CTNNA2: variants seen among roughly 807,000 people sequenced by gnomAD.
The protein encoded by CTNNA2 is catenin alpha 2.
In CTNNA2, 42 loss-of-function variants were observed where a neutral mutation model predicts 101.0. That is an observed-to-expected ratio of 0.42 (90% CI 0.32 to 0.54). The LOEUF is 0.54. Among genes scored for constraint, CTNNA2 ranks in the 20% least tolerant of loss-of-function variants. The pLI is 0.14. For synonymous variants in CTNNA2, 450 were observed against 456.4 expected, an observed-to-expected ratio of 0.99 and a Z score of 0.18; for missense variants, 871 against 1,223.1, an observed-to-expected ratio of 0.71 and a Z score of 4.29.
chr2:79,539,164 G>A (rs148198665), intron 1 of CTNNA2, among the ~76,000 whole-genome samples: 9 of 152,264 alleles, frequency 5.9e-5, no homozygotes, highest in East Asian at 3.9e-4. Context: ...GTGAGTCAGC[G>A]GTGTTGTGCT....
At chr2:79,326,300 C>CAAAA (rs72151080) in intron 3 of CTNNA2, among the ~76,000 whole-genome samples, 1 of 118,932 alleles carries the variant, frequency 8.4e-6, no homozygotes, top group African/African-American at 3.0e-5. Context: ...AACAAACAAG[C>CAAAA]AAAAAAAAAA....
chr2:79,439,589 A>C (rs1401284712), intron 4 of CTNNA2, among the ~76,000 whole-genome samples: 2 of 152,324 alleles, frequency 1.3e-5, no homozygotes, highest in African/African-American at 2.4e-5. Flanking sequence ...TATCTTAATA[A>C]AATTTTTATT....
At chr2:79,524,257 A>C (rs747867534) in intron 1 of CTNNA2, among the ~76,000 whole-genome samples, 15 of 151,976 alleles carry the variant, frequency 9.9e-5, no homozygotes, top group African/African-American at 1.7e-4. Context: ...CAGTAACATA[A>C]ATAGCCTTCT....
intron 2 of CTNNA2, among the ~76,000 whole-genome samples, chr2:79,688,397 A>G (rs6748711): frequency 0.18 from 27,164 of 152,002 alleles, 2,866 homozygotes; most frequent in East Asian, 0.56. Flanking sequence ...TAAAATGGCA[A>G]CAAATAAAGA....
intron 7 of CTNNA2, among the ~76,000 whole-genome samples, chr2:80,328,763 T>C (rs528154141): frequency 6.6e-6 from 1 of 152,368 alleles, no homozygotes; most frequent in South Asian, 2.1e-4. Context: ...TGCGTTTTCA[T>C]TGTTGGTCGA....
At position 79,250,587 on chromosome 2, in the gene CTNNA2, G is replaced by A. The variant is rs140182382; in HGVS notation, c.-406+52511G>A. 4.6e-3 allele frequency among the ~76,000 whole-genome samples: 694 copies of A among 152,276 alleles called. 3 individuals carry two copies. The highest frequency in any genetic ancestry group is 7.1e-3 in the Non-Finnish European group (481 of 68,028). On this transcript the variant is annotated intron_variant, in intron 2 of 21. Transcript: ENST00000466387. ...AGACAGGTAGCTTTTCTGGATTTGC[G>A]TAAGAATGGCCCTATCTCAAAGCCC...
At chr2:80,361,799 G>A (rs532465451) in intron 7 of CTNNA2, among the ~76,000 whole-genome samples, 1 of 152,098 alleles carries the variant, frequency 6.6e-6, no homozygotes, top group Non-Finnish European at 1.5e-5. Flanking sequence ...CATGAAGGTG[G>A]AAGAGAAAGA....
chr2:79,885,706 C>T lies in CTNNA2; in HGVS notation c.852+11364C>T, dbSNP rs188014529. Among the ~76,000 whole-genome samples, 8 of 152,304 alleles carry T rather than the reference C, an allele frequency of 5.3e-5. No individual in the cohort carries two copies. The East Asian group carries it at 1.4e-3, about 26-fold the overall frequency. On this transcript the variant is annotated intron_variant, in intron 6 of 18. Transcript: ENST00000402739. ...TGTAAGTTTCCTATATCTTACATTA[C>T]ATTAGAATGAAGGTGAAGAGTTGAG...
At chr2:80,097,940 C>T (rs1353615011) in intron 7 of CTNNA2, among the ~76,000 whole-genome samples, 1 of 152,088 alleles carries the variant, frequency 6.6e-6, no homozygotes, top group Non-Finnish European at 1.5e-5. Context: ...ACTTCTTTGC[C>T]ATTGGTTCGA....
chr2:79,419,530 A>G (rs1019161671), intron 4 of CTNNA2, among the ~76,000 whole-genome samples: 3 of 152,092 alleles, frequency 2.0e-5, no homozygotes, highest in African/African-American at 4.8e-5. Flanking sequence ...TTTTCCACAA[A>G]TTCTTTCCAT....
At chr2:79,515,363 C>A (rs774792408) in intron 1 of CTNNA2, among the ~76,000 whole-genome samples, 2 of 152,186 alleles carry the variant, frequency 1.3e-5, no homozygotes, top group Non-Finnish European at 2.9e-5. Context: ...GTCCAAATTT[C>A]TTTCAAAAGA....
chr2:79,288,034 C>T (rs576855298), intron 2 of CTNNA2, among the ~76,000 whole-genome samples: 1 of 152,250 alleles, frequency 6.6e-6, no homozygotes, highest in Non-Finnish European at 1.5e-5. Flanking sequence ...TCACCCCTTT[C>T]TTTGACTAGG....
intron 4 of CTNNA2, among the ~76,000 whole-genome samples, chr2:79,470,102 A>G (rs1670981645): frequency 6.6e-6 from 1 of 152,254 alleles, no homozygotes; most frequent in African/African-American, 2.4e-5. Context: ...CCCTGTTTGC[A>G]GATGACATGA....
chr2:79,296,581 C>T (rs943996883), intron 2 of CTNNA2, among the ~76,000 whole-genome samples: 1 of 152,096 alleles, frequency 6.6e-6, no homozygotes, highest in Non-Finnish European at 1.5e-5. Context: ...GTAGTAGGCA[C>T]TGTGGGTGCT....
intron 8 of CTNNA2, 144 bp downstream of exon 8, chr2:80,393,435 A>AT (rs1408401811): frequency 1.6e-6 from 1 of 609,722 alleles, no homozygotes; most frequent in African/African-American, 1.9e-5. Context: ...ACCCCATTTT[A>AT]TCGGCAAGGT....
At chr2:80,070,509 C>T (rs1442511261) in intron 7 of CTNNA2, among the ~76,000 whole-genome samples, 1 of 152,014 alleles carries the variant, frequency 6.6e-6, no homozygotes, top group Non-Finnish European at 1.5e-5. Flanking sequence ...GAGTTTAACA[C>T]CAGCCTGAGA....
At chr2:79,962,029 A>G (rs1689672598) in intron 7 of CTNNA2, among the ~76,000 whole-genome samples, 1 of 152,228 alleles carries the variant, frequency 6.6e-6, no homozygotes, top group Non-Finnish European at 1.5e-5. Context: ...TAAATTCACA[A>G]TAACTAGCTC....
intron 9 of CTNNA2, among the ~76,000 whole-genome samples, chr2:80,482,942 C>G (rs1310628630): frequency 6.6e-6 from 1 of 152,196 alleles, no homozygotes; most frequent in Non-Finnish European, 1.5e-5. Context: ...TTTACACTAC[C>G]TGTCTTGCCC....
intron 9 of CTNNA2, among the ~76,000 whole-genome samples, chr2:80,423,185 T>C (rs1394746800): frequency 6.6e-6 from 1 of 152,130 alleles, no homozygotes; most frequent in Non-Finnish European, 1.5e-5. Flanking sequence ...ATCTCTGCTC[T>C]CTTTATAGTT....
Sources: gnomAD v4.1 joint callset for allele counts (sites outside exome capture counted in the v4.1 genomes callset) on GRCh38, gnomAD v4.1.1 for gene constraint, MANE v1.5 for transcripts, NCBI Gene and HGNC (gene_info 2026-07-23, HGNC 2026-07-21) for gene names.